The following PCDH15 variants were observed in gnomAD, a reference collection of about 807,000 sequenced individuals.
PCDH15 encodes the protein protocadherin-15.
A neutral mutation model predicts 178.5 loss-of-function variants in PCDH15; 129 were observed. The ratio of observed to expected loss-of-function variants is 0.72; its 90% CI spans 0.63 to 0.84. The LOEUF is 0.84. PCDH15 is among the 40% of genes least tolerant of loss of function. The pLI is 0.00. For missense variants in PCDH15, 2,230 were observed against 2,099.9 expected (o/e 1.06, Z -1.21); for synonymous variants, 800 against 732.0 (o/e 1.09, Z -1.50).
At chr10:53,996,447 A>C (rs528551278) in intron 20 of PCDH15, among the ~76,000 whole-genome samples, 3 of 152,294 alleles carry the variant, frequency 2.0e-5, no homozygotes, top group African/African-American at 7.2e-5. Context: ...TCATTAAATA[A>C]ATAGTTATCA....
intron 13 of PCDH15, among the ~76,000 whole-genome samples, chr10:54,182,545 T>C (rs1280201862): frequency 6.7e-6 from 1 of 150,126 alleles, no homozygotes; most frequent in African/African-American, 2.5e-5. Flanking sequence ...GTGTTTGAAA[T>C]AACTTATTTA....
At chr10:55,461,454 T>C (rs926107930) in intron 2 of PCDH15, among the ~76,000 whole-genome samples, 1 of 152,178 alleles carries the variant, frequency 6.6e-6, no homozygotes, top group Non-Finnish European at 1.5e-5. Flanking sequence ...CTTGCTTAAA[T>C]CTAAATTCAA....
At chr10:55,098,937 C>G (rs1842513719) in intron 2 of PCDH15, among the ~76,000 whole-genome samples, 1 of 92,624 alleles carries the variant, frequency 1.1e-5, no homozygotes, top group Non-Finnish European at 2.3e-5. Context: ...AGAGAGAGCT[C>G]TTATCCTTTC....
chr10:55,021,250 C>T (rs896396652), intron 2 of PCDH15, among the ~76,000 whole-genome samples: 1 of 152,160 alleles, frequency 6.6e-6, no homozygotes, highest in Non-Finnish European at 1.5e-5. Flanking sequence ...TAAACCATCT[C>T]TTTCTGGTAT....
chr10:55,601,108 C>T (rs1313979531), intron 2 of PCDH15, among the ~76,000 whole-genome samples: 2 of 152,036 alleles, frequency 1.3e-5, no homozygotes, highest in East Asian at 3.9e-4. Flanking sequence ...GTACAAGAAC[C>T]TCACAGAGGA....
At chr10:54,685,205 A>G (rs532970933) in intron 1 of PCDH15, among the ~76,000 whole-genome samples, 126 of 152,200 alleles carry the variant, frequency 8.3e-4, no homozygotes, top group Non-Finnish European at 1.2e-3. Context: ...GTCATCTCCT[A>G]TGATAATAAT....
chr10:54,988,287 A>T (rs2131913311), intron 2 of PCDH15, among the ~76,000 whole-genome samples: 1 of 152,240 alleles, frequency 6.6e-6, no homozygotes, highest in South Asian at 2.1e-4. Context: ...CTTGTAGTAT[A>T]GTTTGAAGTC....
At chr10:53,894,802 T>A (rs867167592) in intron 26 of PCDH15, among the ~76,000 whole-genome samples, 1 of 152,232 alleles carries the variant, frequency 6.6e-6, no homozygotes, top group South Asian at 2.1e-4. Flanking sequence ...TACAGCAATA[T>A]TTATGTGAGA....
intron 33 of PCDH15, 127 bp downstream of exon 33, chr10:53,820,038 C>T (rs1167016777): frequency 2.6e-6 from 1 of 391,772 alleles, no homozygotes; most frequent in Non-Finnish European, 4.5e-6. Context: ...TTGGACTTCT[C>T]TTATTTCTTT....
chr10:55,071,575 A>G (rs868187994), intron 2 of PCDH15, among the ~76,000 whole-genome samples: 66 of 152,294 alleles, frequency 4.3e-4, no homozygotes, highest in African/African-American at 1.5e-3. Flanking sequence ...CACCCAATAC[A>G]GGAGCACCCA....
chr10:55,583,932 C>G (rs972874597), intron 2 of PCDH15, among the ~76,000 whole-genome samples: 1 of 152,040 alleles, frequency 6.6e-6, no homozygotes, highest in Non-Finnish European at 1.5e-5. Flanking sequence ...GGCTGGATTG[C>G]AGTGGCGTGA....
chr10:55,437,278 C>T (rs1249400470), intron 2 of PCDH15, among the ~76,000 whole-genome samples: 1 of 152,136 alleles, frequency 6.6e-6, no homozygotes, highest in African/African-American at 2.4e-5. Flanking sequence ...TCAGGCAGGG[C>T]ATGCACAGAT....
At chr10:54,095,153 A>C (rs1031601376) in intron 15 of PCDH15, among the ~76,000 whole-genome samples, 23 of 152,184 alleles carry the variant, frequency 1.5e-4, no homozygotes, top group African/African-American at 5.1e-4. Flanking sequence ...TCACTTAGGC[A>C]AACAAGTTCT....
At chr10:55,266,839 C>G (rs1842311348) in intron 1 of PCDH15, among the ~76,000 whole-genome samples, 1 of 152,170 alleles carries the variant, frequency 6.6e-6, no homozygotes, top group South Asian at 2.1e-4. Context: ...TCTGTTCTTG[C>G]AATAAGGCAG....
chr10:54,778,119 C>T (rs1451535687), intron 1 of PCDH15, among the ~76,000 whole-genome samples: 3 of 152,156 alleles, frequency 2.0e-5, no homozygotes, highest in Non-Finnish European at 2.9e-5. Context: ...TCCCTTTACC[C>T]AATTTTGCAC....
Position 54,026,724 on chromosome 10 carries a change from T to A in PCDH15, c.2221-3527A>T, listed in dbSNP as rs148631569. ...TGACAGTAGATGCAGAAAAAGCGTT[T>A]GACAAAATTCAACGACACTTCATGC... On this transcript the variant is annotated intron_variant, in intron 18 of 37. Transcript: ENST00000644397. Among the ~76,000 whole-genome samples the A allele has an allele frequency of 3.0e-4, 46 of 152,274 alleles. No homozygotes were observed. In the East Asian group the frequency reaches 8.7e-3, roughly 29 times the overall value.
chr10:54,566,753 C>A (rs551321259), intron 2 of PCDH15, among the ~76,000 whole-genome samples: 1 of 152,286 alleles, frequency 6.6e-6, no homozygotes, highest in African/African-American at 2.4e-5. Flanking sequence ...TGTAGACCCT[C>A]TTGGTTGTTC....
At chr10:55,084,023 A>G (rs2132028698) in intron 2 of PCDH15, among the ~76,000 whole-genome samples, 1 of 151,912 alleles carries the variant, frequency 6.6e-6, no homozygotes, top group African/African-American at 2.4e-5. Flanking sequence ...AAGATAATGT[A>G]ATTCCTATCA....
chr10:54,997,403 A>C (rs1437304517), intron 2 of PCDH15, among the ~76,000 whole-genome samples: 1 of 152,238 alleles, frequency 6.6e-6, no homozygotes, highest in East Asian at 1.9e-4. Context: ...ATGTGACTTA[A>C]GTAAATCTTA....
Sources: allele counts gnomAD v4.1 joint callset (sites outside exome capture counted in the v4.1 genomes callset), GRCh38; gene constraint gnomAD v4.1.1; transcripts MANE v1.5; gene names NCBI Gene and HGNC (gene_info 2026-07-23, HGNC 2026-07-21).